Variants in TRERF1 observed in about 807,000 individuals in gnomAD.
The protein encoded by TRERF1 is transcriptional regulating factor 1.
Under a neutral mutation model 122.9 loss-of-function variants are expected in TRERF1, and 27 were observed. The ratio of observed to expected loss-of-function variants is 0.22; its 90% confidence interval spans 0.16 to 0.30. TRERF1 has a LOEUF of 0.30. TRERF1 is among the 10% of genes least tolerant of loss of function. TRERF1 has a pLI of 1.00. For synonymous variants in TRERF1, 636 were observed against 641.7 expected, an observed-to-expected ratio of 0.99 and a Z score of 0.13; for missense variants, 1,248 against 1,560.3, an observed-to-expected ratio of 0.80 and a Z score of 3.37.
At chr6:42,400,821 C>T (rs1779276916) in intron 2 of TRERF1, among the ~76,000 whole-genome samples, 7 of 152,238 alleles carry the variant, frequency 4.6e-5, no homozygotes, top group Admixed American at 4.6e-4. Context: ...CACCACCACC[C>T]CCATAAACAC....
chr6:42,254,951 G>A, intron 12 of TRERF1, 25 bp from the exon 13 acceptor site: 2 of 1,610,116 alleles, frequency 1.2e-6, no homozygotes, highest in East Asian at 4.5e-5. Context: ...GAGAGAAAAG[G>A]CAAGAGTCAG....
chr6:42,232,933 AAAGGAAATTAGGG>A lies in TRERF1; in HGVS notation c.3067-54_3067-42del. ...AGTGACATGACATCTACAGTCCTGA[AAAGGAAATTAGGG>A]TTATTAGTTACTCAGTGGTAAACAT... On this transcript the variant is annotated intron_variant, in intron 16 of 17. Transcript: ENST00000372922. The surrounding 1 kb of genome is among the most constrained non-coding windows in gnomAD (Gnocchi z 4.5). The A allele has an allele frequency of 6.5e-7, 1 of 1,533,354 alleles. No homozygotes were observed. The highest frequency in any genetic ancestry group is 1.2e-5 in the South Asian group (1 of 83,808). The allele number at this position is 1,533,354 out of a possible 1,614,324, so 95.0% of individuals were successfully genotyped here.
At chr6:42,398,754 G>C (rs192152472) in intron 2 of TRERF1, among the ~76,000 whole-genome samples, 1 of 152,314 alleles carries the variant, frequency 6.6e-6, no homozygotes, top group African/African-American at 2.4e-5. Context: ...CGAATGTATG[G>C]GGAAGGAATC....
chr6:42,383,710 G>A (rs141613939), intron 2 of TRERF1, among the ~76,000 whole-genome samples: 160 of 152,230 alleles, frequency 1.1e-3, no homozygotes, highest in Admixed American at 7.2e-3. Flanking sequence ...TGCACAGGCT[G>A]CCCCAGTCCC....
At chr6:42,328,117 T>C (rs980441193) in intron 3 of TRERF1, among the ~76,000 whole-genome samples, 3 of 151,032 alleles carry the variant, frequency 2.0e-5, no homozygotes, top group Middle Eastern at 3.4e-3. Flanking sequence ...GCGATTCTCA[T>C]GTGCCTCAGC....
chr6:42,408,227 ATGTGTGTG>A (rs70987593), intron 2 of TRERF1, among the ~76,000 whole-genome samples: 16 of 116,690 alleles, frequency 1.4e-4, no homozygotes, highest in Non-Finnish European at 2.2e-4. Flanking sequence ...ATATATATAT[ATGTGTGTG>A]TGTATGTATA....
At chr6:42,355,790 A>G (rs1329874085) in intron 3 of TRERF1, among the ~76,000 whole-genome samples, 3 of 152,250 alleles carry the variant, frequency 2.0e-5, no homozygotes, top group Non-Finnish European at 4.4e-5. Flanking sequence ...ATTATAATTT[A>G]TGGCCATTCT....
chr6:42,305,594 C>T (rs9471841), intron 3 of TRERF1, among the ~76,000 whole-genome samples: 18,439 of 151,696 alleles, frequency 0.12, 1,634 homozygotes, highest in African/African-American at 0.24. Flanking sequence ...CTCACATCTA[C>T]CAGACCGAGG....
chr6:42,394,850 T>G (rs1267231574), intron 2 of TRERF1, among the ~76,000 whole-genome samples: 2 of 151,724 alleles, frequency 1.3e-5, no homozygotes, highest in Non-Finnish European at 2.9e-5. Flanking sequence ...CCTCATTCAG[T>G]GAAGTAAAAA....
At chr6:42,371,373 T>A (rs1236727748) in intron 2 of TRERF1, among the ~76,000 whole-genome samples, 1 of 152,174 alleles carries the variant, frequency 6.6e-6, no homozygotes, top group Non-Finnish European at 1.5e-5. Flanking sequence ...CCTCACTTGA[T>A]CTACCCTTCC....
chr6:42,269,394 C>A lies in TRERF1; in HGVS notation c.197G>T (p.Gly66Val), dbSNP rs1318067752. 2 of 1,614,102 alleles carry A rather than the reference C, an allele frequency of 1.2e-6. No individual in the cohort carries two copies. The highest frequency in any genetic ancestry group is 1.3e-5 in the African/African-American group (1 of 74,928). Residue 66 changes from glycine (G) to valine (V), a missense_variant, in exon 5 of 18, where the codon GGC (glycine) becomes GTC (valine). Coordinates refer to ENST00000372922, the Ensembl canonical transcript of TRERF1. This position sits in a 1 kb window ranked among gnomAD's most constrained non-coding sequence, Gnocchi z 4.9. ...AAGGTTTTTGGAGCCAACAGGCAAG[C>A]CCAGACCATCCCGTGTATCTTGAGG...
At chr6:42,429,323 G>A (rs755451184) in intron 2 of TRERF1, among the ~76,000 whole-genome samples, 3 of 152,058 alleles carry the variant, frequency 2.0e-5, no homozygotes, top group Non-Finnish European at 2.9e-5. Flanking sequence ...AGACTTTCCC[G>A]TGGATGGACC....
chr6:42,305,803 C>T (rs1787103951), intron 3 of TRERF1, among the ~76,000 whole-genome samples: 1 of 151,986 alleles, frequency 6.6e-6, no homozygotes, highest in Non-Finnish European at 1.5e-5. Context: ...GAGACAGGCT[C>T]TACAGAGCAT....
chr6:42,225,129 G>A (rs1769333346), downstream of TRERF1: 1 of 141,304 alleles, frequency 7.1e-6, no homozygotes, highest in South Asian at 2.2e-4. Flanking sequence ...TTTTGAAGAA[G>A]CATTGTGATA....
intron 3 of TRERF1, among the ~76,000 whole-genome samples, chr6:42,327,382 T>G (rs542497924): frequency 6.6e-6 from 1 of 152,298 alleles, no homozygotes; most frequent in African/African-American, 2.4e-5. Context: ...AGGCAATTTG[T>G]CCGGGGTCTC....
intron 4 of TRERF1, among the ~76,000 whole-genome samples, chr6:42,270,875 C>A (rs559775078): frequency 1.3e-5 from 2 of 149,378 alleles, no homozygotes; most frequent in Non-Finnish European, 3.0e-5. Flanking sequence ...TAGGTTCAAG[C>A]GATTCTCCTA....
Position 42,263,386 on chromosome 6 carries a change from G to A in TRERF1, c.1818C>T (p.Thr606=), listed in dbSNP as rs368567278. Residue 606 remains threonine, a synonymous_variant, in exon 8 of 18, where the codon ACC becomes ACT. Transcript: ENST00000372922. This position sits in a 1 kb window ranked among gnomAD's most constrained non-coding sequence, Gnocchi z 5.6. The stretch of plus-strand genomic sequence containing the variant: ...TGTCTCTGGCGGAGGGGGCGGCAAC[G>A]GTGCTGTTGGTGAACCCCTGAGAGC... The A allele has an allele frequency of 1.1e-5, 17 of 1,612,682 alleles. No homozygotes were observed. Among genetic ancestry groups the A allele is most frequent in the South Asian group, 7.7e-5 (7 of 90,580 alleles).
At chr6:42,243,495 G>A (rs1582511946) in intron 14 of TRERF1, 134 bp from the exon 15 acceptor site, 1 of 608,488 alleles carries the variant, frequency 1.6e-6, no homozygotes, top group South Asian at 2.1e-5. Flanking sequence ...TGTACCTGGT[G>A]AAAGGCCTCC....
At chr6:42,240,041 C>T (rs1161397059) in intron 15 of TRERF1, among the ~76,000 whole-genome samples, 1 of 151,842 alleles carries the variant, frequency 6.6e-6, no homozygotes, top group African/African-American at 2.4e-5. Context: ...TCTGAAGCTT[C>T]ACGCCGGCCT....
Sources: allele counts gnomAD v4.1 joint callset (sites outside exome capture counted in the v4.1 genomes callset), GRCh38; gene constraint gnomAD v4.1.1; non-coding constraint Gnocchi (gnomAD v3.1); transcripts MANE v1.5; gene names NCBI Gene and HGNC (gene_info 2026-07-23, HGNC 2026-07-21).